Variants in SLC1A2 observed in about 807,000 individuals in gnomAD.
SLC1A2 encodes the protein excitatory amino acid transporter 2.
Under a neutral mutation model 48.8 loss-of-function variants are expected in SLC1A2, and 15 were observed. The ratio of observed to expected loss-of-function variants is 0.31; its 90% CI spans 0.21 to 0.47. The LOEUF is 0.47. Among genes scored for constraint, SLC1A2 ranks in the 20% least tolerant of loss-of-function variants. The pLI, the probability that SLC1A2 is intolerant of heterozygous loss-of-function variation, is 0.99. For missense variants in SLC1A2, 502 were observed against 730.5 expected (o/e 0.69, Z 3.61); for synonymous variants, 279 against 272.6 (o/e 1.02, Z -0.23).
chr11:35,321,744 C>T (rs1278219627), intron 1 of SLC1A2, among the ~76,000 whole-genome samples: 1 of 152,144 alleles, frequency 6.6e-6, no homozygotes, highest in Non-Finnish European at 1.5e-5. Flanking sequence ...TGGCAATGAG[C>T]AGAAAGTGCC....
At chr11:35,281,495 G>C (rs1850632739) in intron 8 of SLC1A2, among the ~76,000 whole-genome samples, 1 of 152,164 alleles carries the variant, frequency 6.6e-6, no homozygotes, top group Admixed American at 6.5e-5. Flanking sequence ...CAAATATCCA[G>C]ACCCAACTGA....
At chr11:35,314,979 G>A in intron 3 of SLC1A2, 44 bp downstream of exon 3, 6 of 1,448,490 alleles carry the variant, frequency 4.1e-6, no homozygotes, top group Middle Eastern at 1.7e-4. Flanking sequence ...AGCCAGGGCA[G>A]GAGTATGACC....
chr11:35,417,284 A>G (rs1855637889), intron 1 of SLC1A2, among the ~76,000 whole-genome samples: 1 of 152,254 alleles, frequency 6.6e-6, no homozygotes, highest in Non-Finnish European at 1.5e-5. Flanking sequence ...CATTTAGGAC[A>G]AAGGTGAAAT....
intron 1 of SLC1A2, among the ~76,000 whole-genome samples, chr11:35,352,589 C>A (rs1478291825): frequency 6.6e-6 from 1 of 152,192 alleles, no homozygotes; most frequent in African/African-American, 2.4e-5. Flanking sequence ...CAGTAAGGCC[C>A]CAGTTCCCTT....
At chr11:35,298,939 T>C (rs370537095) in intron 6 of SLC1A2, 1 of 152,234 alleles carries the variant, frequency 6.6e-6, no homozygotes, top group Non-Finnish European at 1.5e-5. Context: ...CGTAATCTGC[T>C]AGAAATTCTA....
At chr11:35,292,626 C>A (rs2281634) in intron 6 of SLC1A2, 106 bp from the exon 7 acceptor site, 6 of 627,876 alleles carry the variant, frequency 9.6e-6, no homozygotes, top group African/African-American at 3.7e-5. Context: ...CTCTTCTGTA[C>A]AAAAAAAGAC....
At chr11:35,343,652 C>T (rs1330310588) in intron 1 of SLC1A2, among the ~76,000 whole-genome samples, 2 of 152,044 alleles carry the variant, frequency 1.3e-5, no homozygotes, top group Admixed American at 6.6e-5. Context: ...GGATGGAGGT[C>T]CCCTGGGAAT....
At chr11:35,388,819 G>A (rs1854665696) in intron 1 of SLC1A2, among the ~76,000 whole-genome samples, 1 of 152,150 alleles carries the variant, frequency 6.6e-6, no homozygotes, top group Non-Finnish European at 1.5e-5. Flanking sequence ...TGAGCAGGTG[G>A]AATTACCCTA....
rs1591446286 is a variant in SLC1A2 at position 35,301,620 on chromosome 11, A to G, written c.756T>C (p.Phe252=). The G allele has an allele frequency of 6.2e-7, 1 of 1,613,704 alleles. No homozygotes were observed. The part of the protein sequence containing the change: ...VLGLIGFFIA[F]GIAMGKMGDQ... ...CTCCCATCTTCCCCATAGCGATGCCAAAAGCAATGAAAAACCCTATCAGAC... is the reference window on the plus strand; with the variant it reads ...CTCCCATCTTCCCCATAGCGATGCCGAAAGCAATGAAAAACCCTATCAGAC... The change falls in exon 6 of 11, where the codon TTT becomes TTC. Residue 252 remains phenylalanine (F), a synonymous_variant. Transcript: ENST00000278379.
chr11:35,340,112 T>G lies in SLC1A2; in HGVS notation c.18-22596A>C, dbSNP rs183869112. 8.5e-5 allele frequency among the ~76,000 whole-genome samples: 13 copies of G among 152,332 alleles called. No homozygotes were observed. The East Asian group carries it at 2.3e-3, about 27-fold the overall frequency. ...TGCAGACACACTGACATGAGCTCTC[T>G]GCTCACGTGTCACTTCTCTGAGCAG... On this transcript the variant is annotated intron_variant, in intron 1 of 10. Transcript: ENST00000278379.
rs34252173 is a variant in SLC1A2, at chr11:35,284,087, T to TTATATATATATATATA, written c.1286+2654_1286+2669dup. On this transcript the variant is annotated intron_variant, in intron 8 of 10. Coordinates refer to ENST00000278379, the MANE Select transcript of SLC1A2 (RefSeq NM_004171.4). The stretch of plus-strand genomic sequence containing the variant: ...TCATAGGGTGGTTGTGAAGATTTTA[T>TTATATATATATATATA]TATATATATATATATATATATATAA... Among the ~76,000 whole-genome samples, 569 of 115,744 alleles carry TTATATATATATATATA rather than the reference T, an allele frequency of 4.9e-3. 9 individuals carry two copies. Among genetic ancestry groups the TTATATATATATATATA allele is most frequent in the Non-Finnish European group, 5.7e-3 (321 of 56,358 alleles). 75.9% of individuals were successfully genotyped at this position (115,744 alleles called of 152,430 possible). A position where few individuals can be genotyped will look rare whatever the true frequency, so the allele number is the denominator to read the frequency against.
intron 9 of SLC1A2, among the ~76,000 whole-genome samples, chr11:35,278,171 A>G (rs2134671483): frequency 6.6e-6 from 1 of 151,620 alleles, no homozygotes; most frequent in Non-Finnish European, 1.5e-5. Context: ...GCATTTTCTG[A>G]TGATGAAGGA....
chr11:35,312,844 A>T (rs145755861), intron 3 of SLC1A2, among the ~76,000 whole-genome samples: 4 of 152,292 alleles, frequency 2.6e-5, no homozygotes, highest in Admixed American at 2.6e-4. Flanking sequence ...CAATCTGCAC[A>T]TGTGGGACTC....
At chr11:35,278,831 C>T (rs1199330883) in intron 9 of SLC1A2, among the ~76,000 whole-genome samples, 1 of 151,874 alleles carries the variant, frequency 6.6e-6, no homozygotes, top group Non-Finnish European at 1.5e-5. Context: ...CCAGCCTGAC[C>T]AACATAGTGA....
chr11:35,409,091 ACACT>A (rs1324003788), intron 1 of SLC1A2, among the ~76,000 whole-genome samples: 9 of 152,218 alleles, frequency 5.9e-5, no homozygotes, highest in Non-Finnish European at 1.0e-4. Flanking sequence ...ATAAGGGAAA[ACACT>A]CACGAAGATA....
intron 9 of SLC1A2, among the ~76,000 whole-genome samples, chr11:35,274,783 CTG>C (rs1481045831): frequency 6.6e-6 from 1 of 152,204 alleles, no homozygotes; most frequent in Non-Finnish European, 1.5e-5. Flanking sequence ...TCATAATCTG[CTG>C]TGACTTTCAA....
chr11:35,384,907 T>C (rs1555019584), intron 1 of SLC1A2, among the ~76,000 whole-genome samples: 4 of 152,026 alleles, frequency 2.6e-5, no homozygotes, highest in African/African-American at 9.7e-5. Context: ...CAGTGCAAGA[T>C]GGCTTCCCTA....
chr11:35,405,678 AGACAGCT>A (rs1855268111), intron 1 of SLC1A2, among the ~76,000 whole-genome samples: 2 of 152,336 alleles, frequency 1.3e-5, no homozygotes, highest in East Asian at 3.9e-4. Context: ...TAATTTTCCC[AGACAGCT>A]GCATGGGGAC....
chr11:35,345,587 G>A (rs1285538428), intron 1 of SLC1A2, among the ~76,000 whole-genome samples: 1 of 152,010 alleles, frequency 6.6e-6, no homozygotes, highest in Non-Finnish European at 1.5e-5. Flanking sequence ...GGCAGAAGAC[G>A]GGGAGCTGAA....
Sources: gnomAD v4.1 joint callset for allele counts (sites outside exome capture counted in the v4.1 genomes callset) on GRCh38, gnomAD v4.1.1 for gene constraint, MANE v1.5 for transcripts, NCBI Gene and HGNC (gene_info 2026-07-23, HGNC 2026-07-21) for gene names.